Variants in MYOM3 observed in about 807,000 individuals in gnomAD.
The protein encoded by MYOM3 is myomesin-3.
In MYOM3, 155 loss-of-function variants were observed where a neutral mutation model predicts 191.7. That is an observed-to-expected ratio of 0.81 (90% CI 0.71 to 0.92). The LOEUF (loss-of-function observed/expected upper bound fraction) is 0.92. Among genes scored for constraint, MYOM3 ranks in the 40% least tolerant of loss-of-function variants. The pLI, the probability that MYOM3 is intolerant of heterozygous loss-of-function variation, is 0.00. For synonymous variants in MYOM3, 757 were observed against 762.9 expected (o/e 0.99, Z 0.13); for missense variants, 1,889 against 1,890.6 (o/e 1.00, Z 0.02).
At chr1:24,084,257 C>G (rs1417530528) in intron 16 of MYOM3, 1 of 567,016 alleles carries the variant, frequency 1.8e-6, no homozygotes, top group Non-Finnish European at 3.1e-6. Flanking sequence ...CTTTCTCCCT[C>G]TCCTGCTCCC....
At position 24,062,167 on chromosome 1, in the gene MYOM3, C is replaced by T. The variant is rs533930725; in HGVS notation, c.3771-58G>A. ...GCCTGTCTGCAGGTCAACAGATACC[C>T]GTGCCCCAAAATCCTCTCCTCTGGT... is the stretch of plus-strand genomic sequence containing the variant. On this transcript the variant is annotated intron_variant, in intron 32 of 36. Coordinates refer to ENST00000374434, the MANE Select transcript of MYOM3 (RefSeq NM_152372.4). 2.2e-4 allele frequency: 351 copies of T among 1,593,004 alleles called. 3 individuals are homozygous for T. The highest frequency in any genetic ancestry group is 1.6e-3 in the African/African-American group (116 of 74,534).
intron 32 of MYOM3, 120 bp from the exon 33 acceptor site, chr1:24,062,229 G>T: frequency 1.0e-6 from 1 of 967,996 alleles, no homozygotes; most frequent in Non-Finnish European, 1.6e-6. Context: ...TGGTGACTAT[G>T]AGGCACCAGA....
intron 1 of MYOM3, among the ~76,000 whole-genome samples, chr1:24,109,848 G>A (rs903522004): frequency 3.3e-5 from 5 of 152,252 alleles, no homozygotes; most frequent in Non-Finnish European, 7.3e-5. Context: ...GGCCGTGGCA[G>A]AGGCTGGGGA....
intron 20 of MYOM3, among the ~76,000 whole-genome samples, chr1:24,077,070 C>T (rs928297059): frequency 6.6e-6 from 1 of 152,146 alleles, no homozygotes; most frequent in Non-Finnish European, 1.5e-5. Context: ...GATCCACCCC[C>T]CCTTGGCCGC....
rs1232028418 is a variant in MYOM3, at chr1:24,067,006, C to T, written c.3423+15G>A. On this transcript the variant is annotated intron_variant, in intron 28 of 36. Transcript: ENST00000374434. ...CCCTGCACTGGGCCTGGGGGCAGGG[C>T]AGGGCAGGACTTGCCTTGCACGTCA... 3 of 1,560,928 alleles carry T rather than the reference C, an allele frequency of 1.9e-6. No individual in the cohort carries two copies. The highest frequency in any genetic ancestry group is 2.6e-6 in the Non-Finnish European group (3 of 1,151,216).
chr1:24,064,481 G>A (rs143769545), intron 29 of MYOM3, among the ~76,000 whole-genome samples: 357 of 152,334 alleles, frequency 2.3e-3, no homozygotes, highest in African/African-American at 8.2e-3. Flanking sequence ...GACACAGTGA[G>A]CCTCACTTTG....
In MYOM3 at chr1:24,063,509, T is replaced by C. The variant is rs1163135612; in HGVS notation, c.3644A>G (p.Glu1215Gly). Residue 1215 changes from glutamate (E) to glycine (G), a missense_variant, in exon 31 of 37, where the codon GAG becomes GGG. Coordinates refer to ENST00000374434, the MANE Select transcript of MYOM3 (RefSeq NM_152372.4). This position sits in a 1 kb window ranked among gnomAD's most constrained non-coding sequence, Gnocchi z 4.5. The stretch of plus-strand genomic sequence containing the variant: ...CTGCTTACCACCAATCCTGCCCAAC[T>C]CGGTGAAGATGGCATCCAGGGCTGG... ...TGDALDAIFT[E>G]LGRIGALSAT... 1 of 1,614,010 alleles carries C rather than the reference T, an allele frequency of 6.2e-7. No individual in the cohort carries two copies. Among genetic ancestry groups the C allele is most frequent in the Admixed American group, 1.7e-5 (1 of 59,998 alleles).
At chr1:24,094,827 TG>T in intron 9 of MYOM3, 25 bp downstream of exon 9, 2 of 1,596,744 alleles carry the variant, frequency 1.3e-6, no homozygotes, top group Non-Finnish European at 1.7e-6. Context: ...CTCTGGAGGC[TG>T]GGGGCCAGGA....
At chr1:24,102,044 C>T (rs1184036453) in intron 5 of MYOM3, among the ~76,000 whole-genome samples, 1 of 152,128 alleles carries the variant, frequency 6.6e-6, no homozygotes, top group Non-Finnish European at 1.5e-5. Flanking sequence ...GGAATGGAGT[C>T]TCATGGGATG....
intron 29 of MYOM3, among the ~76,000 whole-genome samples, chr1:24,064,944 T>A (rs1643415855): frequency 6.6e-6 from 1 of 152,196 alleles, no homozygotes. Context: ...TGACCCCACC[T>A]TCTAGCCTTA....
chr1:24,103,479 A>G (rs4649186), intron 5 of MYOM3, among the ~76,000 whole-genome samples: 152,001 of 152,392 alleles, frequency 1, 75,806 homozygotes, highest in Middle Eastern at 1. Context: ...AGTAACACTT[A>G]TAATGGAACA....
At chr1:24,094,337 A>T (rs1380986516) in intron 9 of MYOM3, among the ~76,000 whole-genome samples, 6 of 151,662 alleles carry the variant, frequency 4.0e-5, no homozygotes, top group African/African-American at 1.5e-4. Context: ...TGCCTGGCTA[A>T]TTTTTGGTAT....
intron 1 of MYOM3, among the ~76,000 whole-genome samples, chr1:24,109,944 C>T (rs886596938): frequency 1.5e-4 from 23 of 152,250 alleles, no homozygotes; most frequent in Admixed American, 1.3e-3. Context: ...AGTCTAGGCC[C>T]GTGATGGCGC....
chr1:24,090,595 G>A (rs1028464209), intron 12 of MYOM3, among the ~76,000 whole-genome samples: 6 of 152,236 alleles, frequency 3.9e-5, no homozygotes, highest in South Asian at 4.2e-4. Flanking sequence ...CCTAAGGACC[G>A]GATTGTGTCT....
At position 24,057,244 on chromosome 1, in the gene MYOM3, C is replaced by G; in HGVS notation, c.*120G>C. ...CACCCCCACCCTCACATCCTGGGTT[C>G]TATCTTGTCCCCTTTCCTTCTGCCC... is the stretch of plus-strand genomic sequence containing the variant. On this transcript the variant is annotated 3_prime_UTR_variant, in exon 37 of 37. Transcript: ENST00000374434. 1 of 1,007,018 alleles carries G rather than the reference C, an allele frequency of 9.9e-7. No homozygotes were observed. The highest frequency in any genetic ancestry group is 1.4e-6 in the Non-Finnish European group (1 of 693,758). The allele number at this position is 1,007,018 out of a possible 1,614,324, so 62.4% of individuals were successfully genotyped here.
intron 7 of MYOM3, 90 bp from the exon 8 acceptor site, chr1:24,095,576 G>T: frequency 1.7e-6 from 2 of 1,172,742 alleles, no homozygotes; most frequent in South Asian, 2.8e-5. Flanking sequence ...ATATGAGTTT[G>T]AGTCCTGGTC....
chr1:24,097,234 C>T (rs1359799810), intron 7 of MYOM3, among the ~76,000 whole-genome samples: 1 of 152,172 alleles, frequency 6.6e-6, no homozygotes, highest in African/African-American at 2.4e-5. Context: ...GTTGGTGGGG[C>T]CAGACCACCC....
chr1:24,090,723 G>A (rs1028054879), intron 12 of MYOM3, 74 bp downstream of exon 12: 17 of 1,485,102 alleles, frequency 1.1e-5, no homozygotes, highest in Non-Finnish European at 1.6e-5. Flanking sequence ...GGGCTGGATT[G>A]TCTCCTGTGT....
At chr1:24,074,384 C>A (rs561975141) in intron 22 of MYOM3, 115 bp from the exon 23 acceptor site, 22 of 701,462 alleles carry the variant, frequency 3.1e-5, no homozygotes, top group African/African-American at 2.7e-4. Flanking sequence ...CCAAGCAGAC[C>A]CTGGCCAAGT....
Sources: allele counts gnomAD v4.1 joint callset (sites outside exome capture counted in the v4.1 genomes callset), GRCh38; gene constraint gnomAD v4.1.1; non-coding constraint Gnocchi (gnomAD v3.1); transcripts MANE v1.5; gene names NCBI Gene and HGNC (gene_info 2026-07-23, HGNC 2026-07-21).